The following ADGRG3 variants were observed in gnomAD, a reference collection of about 807,000 sequenced individuals.
The protein encoded by ADGRG3 is adhesion G protein-coupled receptor G3.
In ADGRG3, 39 loss-of-function variants were observed where a neutral mutation model predicts 54.3. The observed-to-expected ratio is 0.72, with a 90% CI of 0.56 to 0.94. The LOEUF (loss-of-function observed/expected upper bound fraction) is 0.94, where lower values mean the gene tolerates loss of function less well. Ranked by LOEUF, ADGRG3 falls within the 40% of genes least tolerant of loss-of-function variation. The pLI is 0.00. For missense variants in ADGRG3, 654 were observed against 694.6 expected (o/e 0.94, Z 0.66); for synonymous variants, 312 against 290.0 (o/e 1.08, Z -0.77).
At chr16:57,681,689 G>A (rs2048372891) in intron 8 of ADGRG3, among the ~76,000 whole-genome samples, 1 of 133,762 alleles carries the variant, frequency 7.5e-6, no homozygotes, top group Admixed American at 8.7e-5. Context: ...TCACACCATT[G>A]CACTCCAGCC....
At chr16:57,668,266 G>T, upstream of ADGRG3, 3 of 1,149,924 alleles carry the variant, frequency 2.6e-6, no homozygotes, top group Non-Finnish European at 3.8e-6. Flanking sequence ...GCTGCAGGGT[G>T]GGGGCAGGCC....
intron 2 of ADGRG3, among the ~76,000 whole-genome samples, chr16:57,675,886 G>C (rs780504218): frequency 9.9e-5 from 15 of 152,146 alleles, no homozygotes; most frequent in Non-Finnish European, 2.1e-4. Flanking sequence ...GTAGTGTGAC[G>C]GTTGCACAAC....
chr16:57,676,409 A>G (rs2048265015), intron 3 of ADGRG3, 71 bp downstream of exon 3: 10 of 1,440,966 alleles, frequency 6.9e-6, no homozygotes, highest in Non-Finnish European at 9.7e-6. Flanking sequence ...CAAAACTCTA[A>G]GAGAGTTATA....
intron 8 of ADGRG3, chr16:57,682,556 C>G (rs540154262): frequency 1.0e-6 from 1 of 985,294 alleles, no homozygotes; most frequent in Admixed American, 6.1e-5. Context: ...ATTGCTGGAC[C>G]CTGTGAGCGG....
intron 5 of ADGRG3, 120 bp downstream of exon 5, chr16:57,679,431 C>T: frequency 8.9e-7 from 1 of 1,126,978 alleles, no homozygotes; most frequent in Non-Finnish European, 1.3e-6. Context: ...CACAGTCGCC[C>T]AGGAGGAGCC....
intron 1 of ADGRG3, among the ~76,000 whole-genome samples, chr16:57,671,571 G>T (rs1390758830): frequency 6.6e-6 from 1 of 152,038 alleles, no homozygotes; most frequent in Non-Finnish European, 1.5e-5. Context: ...CTGACCTCAG[G>T]TGATCCACCC....
At chr16:57,684,243 G>A (rs1214192497) in intron 9 of ADGRG3, 31 bp downstream of exon 9, 22 of 1,599,042 alleles carry the variant, frequency 1.4e-5, no homozygotes, top group South Asian at 2.3e-5. Flanking sequence ...CAGAATAAAC[G>A]GCCGGCCCTG....
chr16:57,680,867 T>G (rs2048355247), intron 8 of ADGRG3, among the ~76,000 whole-genome samples: 2 of 152,154 alleles, frequency 1.3e-5, no homozygotes, highest in East Asian at 1.9e-4. Context: ...GAATAGCAAA[T>G]AGCAAATAGG....
intron 8 of ADGRG3, among the ~76,000 whole-genome samples, chr16:57,683,559 C>T (rs1229813998): frequency 6.6e-6 from 1 of 152,180 alleles, no homozygotes; most frequent in African/African-American, 2.4e-5. Flanking sequence ...TCTTGCTCAC[C>T]CGTCCCATTC....
rs931495325 is a variant in ADGRG3 at position 57,680,440 on chromosome 16, G to A, written c.769-65G>A. The A allele has an allele frequency of 7.7e-6, 12 of 1,568,120 alleles. No individual in the cohort carries two copies. The East Asian group carries it at 2.5e-4, about 32-fold the overall frequency. On this transcript the variant is annotated intron_variant, in intron 7 of 11. Coordinates refer to ENST00000333493, the MANE Select transcript of ADGRG3 (RefSeq NM_170776.5). ...CCTGCCCTGGGGAGGGGGCTGCCTG[G>A]TGGTCTTTGGGTATATGGGCCTGGC... is the stretch of plus-strand genomic sequence containing the variant.
At chr16:57,678,501 A>G (rs1419086482) in intron 4 of ADGRG3, 185 bp downstream of exon 4, 2 of 606,298 alleles carry the variant, frequency 3.3e-6, no homozygotes, top group Non-Finnish European at 5.8e-6. Flanking sequence ...TGGTCTTCAG[A>G]CTCACACTGG....
chr16:57,684,116 A>G lies in ADGRG3; in HGVS notation c.1066A>G (p.Met356Val), dbSNP rs750421594. The part of the protein sequence containing the change: ...HYFLLCAFTW[M>V]GLEAFHLYLL... ...CTTCCTGCTCTGTGCCTTCACCTGG[A>G]TGGGCCTTGAAGCCTTCCACCTCTA... Residue 356 changes from methionine to valine, a missense_variant, in exon 9 of 12, where the codon ATG (methionine) becomes GTG (valine). Coordinates refer to ENST00000333493, the MANE Select transcript of ADGRG3 (RefSeq NM_170776.5). 6.2e-7 allele frequency: 1 copy of G among 1,613,972 alleles called. No individual in the cohort carries two copies. The highest frequency in any genetic ancestry group is 1.7e-5 in the Admixed American group (1 of 60,014).
intron 1 of ADGRG3, among the ~76,000 whole-genome samples, chr16:57,670,514 AC>A (rs1427831934): frequency 6.9e-6 from 1 of 144,524 alleles, no homozygotes; most frequent in African/African-American, 2.6e-5. Flanking sequence ...TCCCCTCTCA[AC>A]CCCTCCTCCC....
chr16:57,684,912 A>G (rs184088753), intron 10 of ADGRG3, among the ~76,000 whole-genome samples: 12 of 152,192 alleles, frequency 7.9e-5, no homozygotes, highest in Non-Finnish European at 1.2e-4. Flanking sequence ...AGTGATTCAC[A>G]GTAGCCCTGG....
chr16:57,673,479 C>A lies in ADGRG3; in HGVS notation c.206+11C>A, dbSNP rs745907535. 6 of 1,591,086 alleles carry A rather than the reference C, an allele frequency of 3.8e-6. No homozygotes were observed. In the Admixed American group the frequency reaches 1.0e-4, roughly 27 times the overall value. Reference sequence around the variant, plus strand: ...GGAAAACTTGCAGAGGTGAGGGGGCCCCCTGAGCTGGAGGGGGAATCTGAA... The same window carrying A: ...GGAAAACTTGCAGAGGTGAGGGGGCACCCTGAGCTGGAGGGGGAATCTGAA... On this transcript the variant is annotated intron_variant, in intron 2 of 11. Transcript: ENST00000333493.
At chr16:57,686,031 C>A in intron 11 of ADGRG3, 105 bp downstream of exon 11, 3 of 1,161,072 alleles carry the variant, frequency 2.6e-6, no homozygotes, top group Non-Finnish European at 2.5e-6. Context: ...TCTGTTCAGG[C>A]TAGCTGAAGT....
chr16:57,674,749 C>G, intron 2 of ADGRG3: 1 of 216,984 alleles, frequency 4.6e-6, no homozygotes, highest in Non-Finnish European at 9.8e-6. Context: ...TTTGGGAGGC[C>G]GAGGTGGGCA....
Position 57,688,336 on chromosome 16 carries a change from C to T in ADGRG3, c.1541-16C>T, listed in dbSNP as rs202236158. ...CACCCCTTTCCAGGCTCACCGAGGCCTCTCCTTCCTAACAGGTGTCTTCAT... is the reference window on the plus strand; with the variant it reads ...CACCCCTTTCCAGGCTCACCGAGGCTTCTCCTTCCTAACAGGTGTCTTCAT... On this transcript the variant is annotated splice_polypyrimidine_tract_variant and intron_variant, in intron 11 of 11. Coordinates refer to ENST00000333493, the MANE Select transcript of ADGRG3 (RefSeq NM_170776.5). 2.1e-5 allele frequency: 32 copies of T among 1,556,536 alleles called. No individual in the cohort carries two copies. The Middle Eastern group carries it at 1.2e-3, about 58-fold the overall frequency.
At chr16:57,681,603 G>A (rs2048371121) in intron 8 of ADGRG3, among the ~76,000 whole-genome samples, 1 of 151,788 alleles carries the variant, frequency 6.6e-6, no homozygotes, top group Non-Finnish European at 1.5e-5. Flanking sequence ...GTGCGCGCCT[G>A]TAATCCCAGC....
Sources: allele counts gnomAD v4.1 joint callset (sites outside exome capture counted in the v4.1 genomes callset), GRCh38; gene constraint gnomAD v4.1.1; transcripts MANE v1.5; gene names NCBI Gene and HGNC (gene_info 2026-07-23, HGNC 2026-07-21).